FHIT: variants seen among roughly 807,000 people sequenced by gnomAD.
FHIT encodes the protein bis(5'-adenosyl)-triphosphatase.
A neutral mutation model predicts 17.9 loss-of-function variants in FHIT; 19 were observed. That is an observed-to-expected ratio of 1.06 (90% confidence interval 0.74 to 1.56). The LOEUF is 1.56. FHIT is among the 40% of genes most tolerant of loss of function. FHIT has a pLI of 0.00. For missense variants in FHIT, 248 were observed against 189.2 expected (o/e 1.31, Z -1.82); for synonymous variants, 81 against 69.7 (o/e 1.16, Z -0.81).
chr3:60,830,815 C>T (rs1433528045), intron 3 of FHIT, among the ~76,000 whole-genome samples: 4 of 152,126 alleles, frequency 2.6e-5, no homozygotes, highest in African/African-American at 9.7e-5. Flanking sequence ...GCAAAGCAAT[C>T]CAATTCACAC....
In FHIT at chr3:60,751,365, AT is replaced by A. The variant is rs548211576; in HGVS notation, c.-18+70553del. ...CTTTAATGTTGCATTGTTCTCAAATATTTTTTTTACAAGATCCTTTCCAGAT... is the reference window on the plus strand; with the variant it reads ...CTTTAATGTTGCATTGTTCTCAAATATTTTTTTACAAGATCCTTTCCAGAT... On this transcript the variant is annotated intron_variant, in intron 4 of 9. Transcript: ENST00000492590. Among the ~76,000 whole-genome samples, 513 of 152,104 alleles carry A rather than the reference AT, an allele frequency of 3.4e-3. 5 individuals carry two copies. The highest frequency in any genetic ancestry group is 0.012 in the African/African-American group (486 of 41,462).
At chr3:60,687,767 A>G (rs1398246864) in intron 4 of FHIT, among the ~76,000 whole-genome samples, 2 of 152,256 alleles carry the variant, frequency 1.3e-5, no homozygotes, top group Admixed American at 6.5e-5. Flanking sequence ...GTGTCATACA[A>G]CAATTCTACT....
intron 3 of FHIT, among the ~76,000 whole-genome samples, chr3:60,976,718 C>A (rs1710272556): frequency 6.6e-6 from 1 of 152,178 alleles, no homozygotes; most frequent in Admixed American, 6.5e-5. Flanking sequence ...CCTCATTCCA[C>A]ACCTGTGTAT....
chr3:60,312,404 A>G (rs1290550990), intron 5 of FHIT, among the ~76,000 whole-genome samples: 1 of 152,098 alleles, frequency 6.6e-6, no homozygotes, highest in Non-Finnish European at 1.5e-5. Context: ...TGGCCCCCCA[A>G]AGTGCCAGGA....
At chr3:59,835,153 C>T (rs1701296579) in intron 8 of FHIT, among the ~76,000 whole-genome samples, 1 of 152,144 alleles carries the variant, frequency 6.6e-6, no homozygotes, top group Non-Finnish European at 1.5e-5. Flanking sequence ...ATCAAAGGCC[C>T]TCTGACTTAT....
At chr3:60,454,318 T>A (rs527889762) in intron 5 of FHIT, among the ~76,000 whole-genome samples, 1 of 152,086 alleles carries the variant, frequency 6.6e-6, no homozygotes, top group Non-Finnish European at 1.5e-5. Context: ...TATTTGTTGT[T>A]CTTGCAGCAC....
rs573213935 is a variant in FHIT, at chr3:61,043,363, G to A, written c.-163-1264C>T. 5.3e-5 allele frequency among the ~76,000 whole-genome samples: 8 copies of A among 152,314 alleles called. No homozygotes were observed. The South Asian group carries it at 1.7e-3, about 32-fold the overall frequency. ...GCTCGGAGGGTCCCACGCCCACGGAGCCTTGCTCTCTGTTAGCACAGCAGT... is the reference window on the plus strand; with the variant it reads ...GCTCGGAGGGTCCCACGCCCACGGAACCTTGCTCTCTGTTAGCACAGCAGT... On this transcript the variant is annotated intron_variant, in intron 2 of 9. Transcript: ENST00000492590.
intron 5 of FHIT, among the ~76,000 whole-genome samples, chr3:60,219,018 AC>A (rs1427676703): frequency 1.2e-4 from 18 of 152,166 alleles, no homozygotes; most frequent in Admixed American, 1.2e-3. Flanking sequence ...CACTGGTGAA[AC>A]TGGAAATCAC....
chr3:60,161,766 C>T (rs1700951870), intron 5 of FHIT, among the ~76,000 whole-genome samples: 1 of 151,960 alleles, frequency 6.6e-6, no homozygotes, highest in Admixed American at 6.6e-5. Flanking sequence ...GAAAGGAAAA[C>T]AGGGCTGAAA....
chr3:60,868,595 T>G (rs1704265765), intron 3 of FHIT, among the ~76,000 whole-genome samples: 1 of 152,156 alleles, frequency 6.6e-6, no homozygotes, highest in Non-Finnish European at 1.5e-5. Flanking sequence ...TCCAATCAAT[T>G]CATGAGTGGG....
At chr3:60,475,422 T>C (rs1253616049) in intron 5 of FHIT, among the ~76,000 whole-genome samples, 3 of 152,218 alleles carry the variant, frequency 2.0e-5, no homozygotes, top group Admixed American at 2.0e-4. Flanking sequence ...GATTGAATAC[T>C]GTGATTATTA....
chr3:60,961,408 T>G (rs1010302940), intron 3 of FHIT, among the ~76,000 whole-genome samples: 16 of 152,362 alleles, frequency 1.1e-4, no homozygotes, highest in Admixed American at 2.6e-4. Context: ...TAGTTTCTTT[T>G]GCTGTGCAGA....
intron 4 of FHIT, among the ~76,000 whole-genome samples, chr3:60,541,891 G>A (rs1179155565): frequency 6.6e-6 from 1 of 152,188 alleles, no homozygotes; most frequent in Non-Finnish European, 1.5e-5. Flanking sequence ...TCTACTTGAT[G>A]AGCTACTATT....
chr3:60,517,620 G>C (rs1479765715), intron 5 of FHIT, among the ~76,000 whole-genome samples: 1 of 152,124 alleles, frequency 6.6e-6, no homozygotes, highest in Admixed American at 6.6e-5. Flanking sequence ...CAATATTGCA[G>C]AAAGCATTTT....
intron 5 of FHIT, among the ~76,000 whole-genome samples, chr3:60,310,887 G>A (rs1708912942): frequency 6.6e-6 from 1 of 152,010 alleles, no homozygotes; most frequent in Non-Finnish European, 1.5e-5. Context: ...GCACTTTCTT[G>A]CTTGCTTTCT....
intron 2 of FHIT, among the ~76,000 whole-genome samples, chr3:61,093,293 A>G (rs1347230603): frequency 1.3e-5 from 2 of 152,184 alleles, no homozygotes; most frequent in Admixed American, 1.3e-4. Flanking sequence ...GCAAGAAAGC[A>G]GTAGTTCTCA....
rs986936563 is a variant in FHIT, at chr3:60,179,843, T to C, written c.104-165691A>G. On this transcript the variant is annotated intron_variant, in intron 5 of 9. Transcript: ENST00000492590. ...GGTCTCTCTAAACGGGTTCTCTTCG[T>C]TCTGCATGCTACATGAAAGGAAACA... Among the ~76,000 whole-genome samples, 13 of 152,176 alleles carry C rather than the reference T, an allele frequency of 8.5e-5. 1 individual carries two copies. Among genetic ancestry groups the C allele is most frequent in the Admixed American group, 7.9e-4 (12 of 15,268 alleles).
intron 5 of FHIT, among the ~76,000 whole-genome samples, chr3:60,272,544 A>T (rs966163211): frequency 4.6e-5 from 7 of 152,188 alleles, no homozygotes; most frequent in Admixed American, 1.3e-4. Flanking sequence ...GTGTGAAAAC[A>T]TATCAAATCT....
At chr3:60,077,969 T>C (rs961667097) in intron 5 of FHIT, among the ~76,000 whole-genome samples, 1 of 151,882 alleles carries the variant, frequency 6.6e-6, no homozygotes, top group African/African-American at 2.4e-5. Flanking sequence ...AAACCTCAAA[T>C]ACACAAAATA....
Sources: allele counts gnomAD v4.1 joint callset (sites outside exome capture counted in the v4.1 genomes callset), GRCh38; gene constraint gnomAD v4.1.1; transcripts MANE v1.5; gene names NCBI Gene and HGNC (gene_info 2026-07-23, HGNC 2026-07-21).